MYPOP: variants seen among roughly 807,000 people sequenced by gnomAD.
MYPOP encodes myb-related transcription factor, partner of profilin.
A neutral mutation model predicts 25.7 loss-of-function variants in MYPOP; 21 were observed. The observed-to-expected ratio is 0.82, with a 90% CI of 0.58 to 1.18. MYPOP has a LOEUF of 1.18. Among genes scored for constraint, MYPOP ranks in the 50% most tolerant of loss-of-function variants. The pLI is 0.00. For synonymous variants in MYPOP, 280 were observed against 247.9 expected, an observed-to-expected ratio of 1.13 and a Z score of -1.22; for missense variants, 566 against 588.3, an observed-to-expected ratio of 0.96 and a Z score of 0.39.
chr19:45,896,070 C>T (rs912609610), intron 2 of MYPOP, among the ~76,000 whole-genome samples: 1 of 152,132 alleles, frequency 6.6e-6, no homozygotes, highest in Non-Finnish European at 1.5e-5. Flanking sequence ...GCAGGCGGAT[C>T]ACCTGAGGTC....
chr19:45,891,287 G>C lies in MYPOP; in HGVS notation c.536C>G (p.Pro179Arg). Reference sequence around the variant, plus strand: ...GCAGGAGGGCCGGGCCCATGGCTCCGGGCTGCTGGAGCCCGCCTTGCTGTG... The same window carrying C: ...GCAGGAGGGCCGGGCCCATGGCTCCCGGCTGCTGGAGCCCGCCTTGCTGTG... Reference protein sequence around the residue: ...SAHSKAGSSSPEPWARPSCTP... With the variant: ...SAHSKAGSSSREPWARPSCTP... The change falls in exon 3 of 3, where the codon CCG (proline) becomes CGG (arginine). Residue 179 changes from proline to arginine, a missense_variant. Coordinates refer to ENST00000322217, the MANE Select transcript of MYPOP (RefSeq NM_001012643.4). 6.5e-7 allele frequency: 1 copy of C among 1,544,004 alleles called. No homozygotes were observed. Among genetic ancestry groups the C allele is most frequent in the Non-Finnish European group, 8.7e-7 (1 of 1,151,956 alleles).
At position 45,901,004 on chromosome 19, in the gene MYPOP, G is replaced by A. The variant is rs542222518; in HGVS notation, c.499+271C>T. 1.3e-5 allele frequency among the ~76,000 whole-genome samples: 2 copies of A among 152,264 alleles called. No individual in the cohort carries two copies. Among genetic ancestry groups the A allele is most frequent in the East Asian group, 3.9e-4 (2 of 5,178 alleles). On this transcript the variant is annotated intron_variant, in intron 2 of 2. Transcript: ENST00000322217. This position sits in a 1 kb window ranked among gnomAD's most constrained non-coding sequence, Gnocchi z 5.7. ...CAGCCTGCCTCCAGAGTCACTACTCGACACTGCATTTAATGAAATCCTGCC... is the reference window on the plus strand; with the variant it reads ...CAGCCTGCCTCCAGAGTCACTACTCAACACTGCATTTAATGAAATCCTGCC...
chr19:45,890,872 C>CGGTGGGGGTGGG lies in MYPOP; in HGVS notation c.939_950dup (p.Pro317_Pro320dup). On this transcript the variant is annotated inframe_insertion, in exon 3 of 3. Transcript: ENST00000322217. ...GGGGCAGGACAGGCCTGGGAGGTGG[C>CGGTGGGGGTGGG]GGTGGGGGTGGGGGTGGGGGCAGAG... The CGGTGGGGGTGGG allele has an allele frequency of 3.2e-6, 1 of 313,890 alleles. No homozygotes were observed. The highest frequency in any genetic ancestry group is 1.2e-4 in the South Asian group (1 of 8,536). The allele number at this position is 313,890 out of a possible 1,614,324, so 19.4% of individuals were successfully genotyped here. A position where few individuals can be genotyped will look rare whatever the true frequency, so the allele number is the denominator to read the frequency against.
chr19:45,901,339 C>A lies in MYPOP; in HGVS notation c.435G>T (p.Pro145=). The change falls in exon 2 of 3, where the codon CCG becomes CCT. Residue 145 remains proline (P), a synonymous_variant. Transcript: ENST00000322217. The surrounding 1 kb of genome is among the most constrained non-coding windows in gnomAD (Gnocchi z 5.7). Reference sequence around the variant, plus strand: ...AGCGCTGAGGGCAGGCGCTTGGGGGCGGCGGCTGTGAAGAGGGGGCCGCAG... The same window carrying A: ...AGCGCTGAGGGCAGGCGCTTGGGGGAGGCGGCTGTGAAGAGGGGGCCGCAG... The part of the protein sequence containing the change: ...EPPAAPSSQP[P]PPSACPQRYV... 3.4e-6 allele frequency: 5 copies of A among 1,457,896 alleles called. No individual in the cohort carries two copies. The highest frequency in any genetic ancestry group is 4.5e-6 in the Non-Finnish European group (5 of 1,106,082). 90.3% of individuals were successfully genotyped at this position (1,457,896 alleles called of 1,614,324 possible).
At chr19:45,902,016 C>A (rs932448645) in intron 1 of MYPOP, among the ~76,000 whole-genome samples, 191 bp from the exon 2 acceptor site, 4 of 150,928 alleles carry the variant, frequency 2.7e-5, no homozygotes, top group Non-Finnish European at 5.9e-5. Context: ...GCGCTTGGCT[C>A]GGACTTCGCG....
intron 2 of MYPOP, among the ~76,000 whole-genome samples, chr19:45,900,951 A>T (rs1967279695): frequency 6.6e-6 from 1 of 152,202 alleles, no homozygotes; most frequent in South Asian, 2.1e-4. Flanking sequence ...GACACAGTTC[A>T]GTGGCAAAGT....
rs1967287141 is a variant in MYPOP at position 45,901,319 on chromosome 19, TGAGGGCA to T, written c.448_454del (p.Cys150SerfsTer136). The T allele has an allele frequency of 1.6e-5, 24 of 1,460,534 alleles. No individual in the cohort carries two copies. The highest frequency in any genetic ancestry group is 1.9e-5 in the Non-Finnish European group (21 of 1,108,060). 90.5% of individuals were successfully genotyped at this position (1,460,534 alleles called of 1,614,324 possible). A position where few individuals can be genotyped will look rare whatever the true frequency, so the allele number is the denominator to read the frequency against. On this transcript the variant is annotated frameshift_variant, in exon 2 of 3. Coordinates refer to ENST00000322217, the MANE Select transcript of MYPOP (RefSeq NM_001012643.4). LOFTEE classifies it high-confidence loss of function. The surrounding 1 kb of genome is among the most constrained non-coding windows in gnomAD (Gnocchi z 5.7). ...GCGGTCTTCCGACAACACGTAGCGC[TGAGGGCA>T]GGCGCTTGGGGGCGGCGGCTGTGAA...
At chr19:45,894,499 A>C (rs907820462) in intron 2 of MYPOP, among the ~76,000 whole-genome samples, 1 of 148,428 alleles carries the variant, frequency 6.7e-6, no homozygotes, top group African/African-American at 2.5e-5. Context: ...CTGCATCCTT[A>C]ATCTCCCCAG....
intron 2 of MYPOP, among the ~76,000 whole-genome samples, chr19:45,894,580 A>T (rs1389866162): frequency 6.6e-6 from 1 of 151,702 alleles, no homozygotes; most frequent in African/African-American, 2.4e-5. Flanking sequence ...CACCAGGATA[A>T]TTTTATTTTT....
intron 2 of MYPOP, among the ~76,000 whole-genome samples, chr19:45,892,152 C>T (rs1967135638): frequency 6.6e-6 from 1 of 152,092 alleles, no homozygotes; most frequent in African/African-American, 2.4e-5. Flanking sequence ...AACTCCTGAC[C>T]TCAAGCAATC....
rs533095311 is a variant in MYPOP, at chr19:45,893,719, G to T, written c.500-2396C>A. Among the ~76,000 whole-genome samples the T allele has an allele frequency of 7.9e-5, 12 of 151,962 alleles. No homozygotes were observed. The East Asian group carries it at 2.3e-3, about 29-fold the overall frequency. On this transcript the variant is annotated intron_variant, in intron 2 of 2. Coordinates refer to ENST00000322217, the MANE Select transcript of MYPOP (RefSeq NM_001012643.4). The stretch of plus-strand genomic sequence containing the variant: ...GGAGTGATGAAAATGTTCTAAAATT[G>T]ATCGTGGTGATGGTTGCATAACTCT...
rs1305940858 is a variant in MYPOP at position 45,901,867 on chromosome 19, C to A, written c.-52-42G>T. On this transcript the variant is annotated intron_variant, in intron 1 of 2. Transcript: ENST00000322217. The surrounding 1 kb of genome is among the most constrained non-coding windows in gnomAD (Gnocchi z 5.7). ...CACGGGGCTGGCTGGGGTTCGGGGT[C>A]CCCCCGCCGCCGCCTCTCCCAGACC... is the stretch of plus-strand genomic sequence containing the variant. 2.9e-6 allele frequency: 3 copies of A among 1,020,414 alleles called. No homozygotes were observed. The highest frequency in any genetic ancestry group is 1.7e-5 in the African/African-American group (1 of 59,336). The allele number at this position is 1,020,414 out of a possible 1,614,324, so 63.2% of individuals were successfully genotyped here.
At chr19:45,898,077 C>T (rs892212884) in intron 2 of MYPOP, among the ~76,000 whole-genome samples, 2 of 130,024 alleles carry the variant, frequency 1.5e-5, no homozygotes, top group Non-Finnish European at 3.3e-5. Flanking sequence ...GCGTGTGCCA[C>T]CACGTCCAGC....
chr19:45,901,432 C>T lies in MYPOP; in HGVS notation c.342G>A (p.Glu114=), dbSNP rs775028330. 1.3e-6 allele frequency: 2 copies of T among 1,582,234 alleles called. No homozygotes were observed. The highest frequency in any genetic ancestry group is 1.1e-5 in the South Asian group (1 of 87,376). ...CTGGCCCCAGGATGGCAAAAATGGT[C>T]TCCTCTTCCGCGGAGAAAGCGTCCT... ...AAEDAFSAEE[E]TIFAILGPGV... Residue 114 remains glutamate (E), a synonymous_variant, in exon 2 of 3, where the codon GAG becomes GAA. Transcript: ENST00000322217. The surrounding 1 kb of genome is among the most constrained non-coding windows in gnomAD (Gnocchi z 5.7).
At chr19:45,894,981 G>A (rs1350531917) in intron 2 of MYPOP, among the ~76,000 whole-genome samples, 1 of 152,118 alleles carries the variant, frequency 6.6e-6, no homozygotes, top group African/African-American at 2.4e-5. Context: ...CTCCCAAAGT[G>A]CTGGGATTAC....
intron 2 of MYPOP, among the ~76,000 whole-genome samples, chr19:45,896,148 G>A (rs569511107): frequency 1.3e-5 from 2 of 152,138 alleles, no homozygotes; most frequent in Non-Finnish European, 2.9e-5. Context: ...AAAATTAGCC[G>A]GGTGTGGTGG....
chr19:45,902,467 A>C (rs1967316243), intron 1 of MYPOP, 103 bp downstream of exon 1: 1 of 152,240 alleles, frequency 6.6e-6, no homozygotes, highest in Non-Finnish European at 1.5e-5. Context: ...TCTGGAAATA[A>C]CGGGGGTCCC....
intron 2 of MYPOP, among the ~76,000 whole-genome samples, chr19:45,893,352 T>C (rs12976652): frequency 0.092 from 13,919 of 151,894 alleles, 726 homozygotes; most frequent in Non-Finnish European, 0.13. Flanking sequence ...GCAAATCACC[T>C]GATGTTGGGA....
Position 45,890,846 on chromosome 19 carries a change from G to A in MYPOP, c.977C>T (p.Pro326Leu). 5 of 1,440,778 alleles carry A rather than the reference G, an allele frequency of 3.5e-6. No homozygotes were observed. The highest frequency in any genetic ancestry group is 4.6e-6 in the Non-Finnish European group (5 of 1,097,094). 89.2% of individuals were successfully genotyped at this position (1,440,778 alleles called of 1,614,324 possible). A position where few individuals can be genotyped will look rare whatever the true frequency, so the allele number is the denominator to read the frequency against. ...PPPPPRPVLP[P>L]PAPKVEITPE... ...GGTGATCTCCACCTTGGGGGCCGGT[G>A]GGGGCAGGACAGGCCTGGGAGGTGG... Residue 326 changes from proline (P) to leucine (L), a missense_variant, in exon 3 of 3, where the codon CCA (proline) becomes CTA (leucine). Coordinates refer to ENST00000322217, the MANE Select transcript of MYPOP (RefSeq NM_001012643.4).
Sources: gnomAD v4.1 joint callset for allele counts (sites outside exome capture counted in the v4.1 genomes callset) on GRCh38, gnomAD v4.1.1 for gene constraint, Gnocchi (gnomAD v3.1) non-coding constraint, MANE v1.5 for transcripts, NCBI Gene and HGNC (gene_info 2026-07-23, HGNC 2026-07-21) for gene names.